The following PRKAR2B variants were observed in gnomAD, a reference collection of about 807,000 sequenced individuals.
The protein encoded by PRKAR2B is protein kinase cAMP-dependent type II regulatory subunit beta.
PRKAR2B carries 14 observed loss-of-function variants against 49.9 expected under a neutral mutation model. The observed-to-expected ratio is 0.28, with a 90% CI of 0.19 to 0.44. The LOEUF (loss-of-function observed/expected upper bound fraction) is 0.44, where lower values mean the gene tolerates loss of function less well. PRKAR2B is among the 20% of genes least tolerant of loss of function. The probability of loss-of-function intolerance (pLI) is 1.00; values close to 1 mark genes in which losing one functional copy is unlikely to be tolerated. For synonymous variants in PRKAR2B, 196 were observed against 197.7 expected (o/e 0.99, Z 0.07); for missense variants, 393 against 537.9 (o/e 0.73, Z 2.67).
intron 7 of PRKAR2B, among the ~76,000 whole-genome samples, chr7:107,151,721 A>G (rs1482156927): frequency 2.0e-5 from 3 of 152,194 alleles, no homozygotes; most frequent in Admixed American, 6.5e-5. Context: ...ACTGGAGAGC[A>G]TGGGTTGTTC....
At chr7:107,062,177 T>A (rs933402076) in intron 1 of PRKAR2B, among the ~76,000 whole-genome samples, 13 of 152,110 alleles carry the variant, frequency 8.5e-5, no homozygotes, top group African/African-American at 3.1e-4. Flanking sequence ...TCCTAGGTAT[T>A]TAAGAGAAAT....
Position 107,048,784 on chromosome 7 carries a change from C to T in PRKAR2B, c.307+3570C>T, listed in dbSNP as rs114963445. ...TTCCTCTTCTAATAGCTTTCTTTTC[C>T]CTCTCCTATTCTCTTCCAGTCTTAT... On this transcript the variant is annotated intron_variant, in intron 1 of 10. Transcript: ENST00000265717. Among the ~76,000 whole-genome samples the T allele has an allele frequency of 2.1e-3, 326 of 152,234 alleles. 2 individuals carry two copies. Among genetic ancestry groups the T allele is most frequent in the African/African-American group, 7.5e-3 (310 of 41,534 alleles).
Position 107,146,478 on chromosome 7 carries a change from T to A in PRKAR2B, c.741+17T>A, listed in dbSNP as rs748163268. 6.2e-7 allele frequency: 1 copy of A among 1,606,542 alleles called. No homozygotes were observed. The highest frequency in any genetic ancestry group is 8.5e-7 in the Non-Finnish European group (1 of 1,174,930). The stretch of plus-strand genomic sequence containing the variant: ...TGGGGTTTGGTGAGTAAAATACTTA[T>A]TTGACCTGAATGTTATGATTTGTAG... On this transcript the variant is annotated intron_variant, in intron 6 of 10. Coordinates refer to ENST00000265717, the MANE Select transcript of PRKAR2B (RefSeq NM_002736.3).
intron 6 of PRKAR2B, among the ~76,000 whole-genome samples, chr7:107,147,321 C>T (rs988467864): frequency 6.6e-6 from 1 of 152,092 alleles, no homozygotes; most frequent in African/African-American, 2.4e-5. Flanking sequence ...CAAAAAAAAT[C>T]CTCTTACCTA....
rs200181902 is a variant in PRKAR2B at position 107,140,900 on chromosome 7, G to T, written c.534G>T (p.Gly178=). The part of the protein sequence containing the change: ...DAMFEKLVKD[G]EHVIDQGDDG... ...TGTTTGAAAAATTGGTCAAAGATGGGGAGCATGTAATTGATCAAGGTGACG... is the reference window on the plus strand; with the variant it reads ...TGTTTGAAAAATTGGTCAAAGATGGTGAGCATGTAATTGATCAAGGTGACG... The change falls in exon 5 of 11, where the codon GGG becomes GGT. Residue 178 remains glycine, a synonymous_variant. Transcript: ENST00000265717. The T allele has an allele frequency of 8.3e-5, 134 of 1,612,812 alleles. No homozygotes were observed. The highest frequency in any genetic ancestry group is 5.9e-6 in the Non-Finnish European group (7 of 1,179,370).
chr7:107,157,826 A>G (rs965957911), intron 10 of PRKAR2B, among the ~76,000 whole-genome samples: 3 of 152,212 alleles, frequency 2.0e-5, no homozygotes, highest in African/African-American at 7.2e-5. Context: ...CTTGGCAGAA[A>G]TGTCATCTTC....
intron 2 of PRKAR2B, among the ~76,000 whole-genome samples, chr7:107,093,600 G>T (rs1406913948): frequency 1.3e-5 from 2 of 150,962 alleles, no homozygotes; most frequent in African/African-American, 2.4e-5. Context: ...CCATGTTGGT[G>T]TGCTGCACCC....
intron 1 of PRKAR2B, among the ~76,000 whole-genome samples, chr7:107,048,341 A>G (rs928571227): frequency 2.0e-5 from 3 of 152,194 alleles, no homozygotes; most frequent in African/African-American, 7.2e-5. Context: ...CAGGATGATC[A>G]GGGAGTTCTT....
At chr7:107,134,509 A>G (rs968099420) in intron 4 of PRKAR2B, among the ~76,000 whole-genome samples, 1 of 152,244 alleles carries the variant, frequency 6.6e-6, no homozygotes, top group Non-Finnish European at 1.5e-5. Flanking sequence ...ATAATTGTAC[A>G]TATAACAGCA....
intron 2 of PRKAR2B, among the ~76,000 whole-genome samples, chr7:107,086,185 T>A (rs1794616044): frequency 6.6e-6 from 1 of 152,192 alleles, no homozygotes; most frequent in Non-Finnish European, 1.5e-5. Context: ...GTTAAATTTT[T>A]TTTTCTCTGA....
intron 1 of PRKAR2B, among the ~76,000 whole-genome samples, chr7:107,053,568 G>A (rs1295899148): frequency 1.4e-5 from 2 of 139,622 alleles, no homozygotes; most frequent in African/African-American, 5.5e-5. Context: ...GTGTGTGTGT[G>A]TCTTTTTTAA....
intron 2 of PRKAR2B, among the ~76,000 whole-genome samples, chr7:107,084,248 C>G (rs1000804575): frequency 6.6e-6 from 1 of 151,942 alleles, no homozygotes; most frequent in Non-Finnish European, 1.5e-5. Context: ...TAAAGTTGTT[C>G]TTTATATTTT....
intron 2 of PRKAR2B, among the ~76,000 whole-genome samples, chr7:107,097,149 C>G (rs1794856109): frequency 6.6e-6 from 1 of 152,138 alleles, no homozygotes; most frequent in Admixed American, 6.5e-5. Context: ...GAGTCTAAGT[C>G]TCTTTGTAGG....
Position 107,160,642 on chromosome 7 carries a change from G to GT in PRKAR2B, c.*1060_*1061insT, listed in dbSNP as rs1796181061. The GT allele has an allele frequency of 2.0e-5, 3 of 151,690 alleles. No homozygotes were observed. The highest frequency in any genetic ancestry group is 4.4e-5 in the Non-Finnish European group (3 of 67,896). 9.4% of individuals were successfully genotyped at this position (151,690 alleles called of 1,614,324 possible). On this transcript the variant is annotated 3_prime_UTR_variant, in exon 11 of 11. Coordinates refer to ENST00000265717, the MANE Select transcript of PRKAR2B (RefSeq NM_002736.3). ...ATCAGCAGCCAATATGGGTTTGTTT[G>GT]GTTTTTTTAATTCTTAAAAACATCC...
At chr7:107,146,901 C>G (rs1030712857) in intron 6 of PRKAR2B, among the ~76,000 whole-genome samples, 2 of 152,128 alleles carry the variant, frequency 1.3e-5, no homozygotes, top group African/African-American at 2.4e-5. Flanking sequence ...TTCTGGGGCC[C>G]CACCCACTGA....
At chr7:107,089,013 A>G (rs1206709091) in intron 2 of PRKAR2B, among the ~76,000 whole-genome samples, 2 of 152,148 alleles carry the variant, frequency 1.3e-5, no homozygotes, top group African/African-American at 4.8e-5. Context: ...TACTAAAAAT[A>G]GAAAAATTAC....
intron 4 of PRKAR2B, among the ~76,000 whole-genome samples, chr7:107,135,723 G>A (rs1190932002): frequency 6.6e-6 from 1 of 152,090 alleles, no homozygotes; most frequent in Non-Finnish European, 1.5e-5. Context: ...AATCAGGGAA[G>A]AATTTAATAA....
intron 2 of PRKAR2B, among the ~76,000 whole-genome samples, chr7:107,096,302 T>C (rs1200785750): frequency 2.6e-5 from 4 of 152,218 alleles, no homozygotes; most frequent in Admixed American, 2.0e-4. Context: ...GAGGTGTTTA[T>C]AGTATTCTCT....
chr7:107,052,236 T>C (rs995820513), intron 1 of PRKAR2B, among the ~76,000 whole-genome samples: 3 of 152,102 alleles, frequency 2.0e-5, no homozygotes, highest in African/African-American at 7.2e-5. Context: ...CTGGCCAACA[T>C]GGTGAAACCC....
Sources: allele counts gnomAD v4.1 joint callset (sites outside exome capture counted in the v4.1 genomes callset), GRCh38; gene constraint gnomAD v4.1.1; transcripts MANE v1.5; gene names NCBI Gene and HGNC (gene_info 2026-07-23, HGNC 2026-07-21).